AVL9: variants seen among roughly 807,000 people sequenced by gnomAD.
AVL9 encodes the protein AVL9 cell migration associated.
In AVL9, 49 loss-of-function variants were observed where a neutral mutation model predicts 79.2. The ratio of observed to expected loss-of-function variants is 0.62; its 90% CI spans 0.49 to 0.79. AVL9 has a LOEUF of 0.79. Among genes scored for constraint, AVL9 ranks in the 30% least tolerant of loss-of-function variants. The pLI, the probability that AVL9 is intolerant of heterozygous loss-of-function variation, is 0.00. For missense variants in AVL9, 682 were observed against 776.8 expected, an observed-to-expected ratio of 0.88 and a Z score of 1.45; for synonymous variants, 299 against 280.6, an observed-to-expected ratio of 1.07 and a Z score of -0.65.
At chr7:32,558,198 A>T (rs1790168274) in intron 8 of AVL9, among the ~76,000 whole-genome samples, 1 of 144,478 alleles carries the variant, frequency 6.9e-6, no homozygotes, top group South Asian at 2.2e-4. Flanking sequence ...CTCGCTCTCT[A>T]GCCAGGCTGG....
rs567751468 is a variant in AVL9 at position 32,543,065 on chromosome 7, A to G, written c.94-76A>G. On this transcript the variant is annotated intron_variant, in intron 1 of 15. Coordinates refer to ENST00000318709, the MANE Select transcript of AVL9 (RefSeq NM_015060.3). ...CCCGACTTCTGTCATTCAGGGTTTA[A>G]AAGCATTTTTACCTATCAGAATAAA... is the stretch of plus-strand genomic sequence containing the variant. 50 of 1,577,026 alleles carry G rather than the reference A, an allele frequency of 3.2e-5. No homozygotes were observed. The South Asian group carries it at 5.8e-4, about 18-fold the overall frequency.
At chr7:32,562,693 G>T in intron 10 of AVL9, 3 of 828,074 alleles carry the variant, frequency 3.6e-6, no homozygotes, top group Non-Finnish European at 4.4e-6. Flanking sequence ...GCCGAGGTGG[G>T]GAGGATTGCT....
At chr7:32,559,627 A>G (rs1652547078) in intron 10 of AVL9, among the ~76,000 whole-genome samples, 163 bp downstream of exon 10, 1 of 152,224 alleles carries the variant, frequency 6.6e-6, no homozygotes, top group South Asian at 2.1e-4. Flanking sequence ...CCGTGACCAT[A>G]GTATAAGTCT....
At chr7:32,525,695 T>C (rs1309538153) in intron 1 of AVL9, among the ~76,000 whole-genome samples, 1 of 152,214 alleles carries the variant, frequency 6.6e-6, no homozygotes, top group African/African-American at 2.4e-5. Context: ...GGTGCCCTAA[T>C]GGAATAGGTT....
At chr7:32,503,172 T>A (rs1418346365) in intron 1 of AVL9, among the ~76,000 whole-genome samples, 1 of 151,706 alleles carries the variant, frequency 6.6e-6, no homozygotes, top group Non-Finnish European at 1.5e-5. Flanking sequence ...ACTCTGGGTG[T>A]TCATTTAGAT....
At position 32,553,683 on chromosome 7, in the gene AVL9, C is replaced by T. The variant is rs1433396428; in HGVS notation, c.530-44C>T. ...GGAAATAACCTTTCTGCAGCAAAAA[C>T]ATTACATTGTAGTCACACTTGAGCT... is the stretch of plus-strand genomic sequence containing the variant. On this transcript the variant is annotated intron_variant, in intron 6 of 15. Coordinates refer to ENST00000318709, the MANE Select transcript of AVL9 (RefSeq NM_015060.3). The T allele has an allele frequency of 4.7e-6, 7 of 1,476,024 alleles. No individual in the cohort carries two copies. The African/African-American group carries it at 8.4e-5, about 18-fold the overall frequency. 91.4% of individuals were successfully genotyped at this position (1,476,024 alleles called of 1,614,324 possible).
At chr7:32,509,351 T>C (rs772091707) in intron 1 of AVL9, among the ~76,000 whole-genome samples, 1 of 152,156 alleles carries the variant, frequency 6.6e-6, no homozygotes, top group Non-Finnish European at 1.5e-5. Context: ...TGTATCTATA[T>C]AGCAGGGGCC....
intron 10 of AVL9, among the ~76,000 whole-genome samples, chr7:32,566,649 C>T (rs572567253): frequency 4.7e-4 from 71 of 152,048 alleles, no homozygotes; most frequent in Non-Finnish European, 6.6e-4. Context: ...GAGACCGAGG[C>T]GGGCAGATCA....
chr7:32,574,857 C>CTG (rs1446042462), intron 12 of AVL9, among the ~76,000 whole-genome samples: 1 of 152,168 alleles, frequency 6.6e-6, no homozygotes, highest in African/African-American at 2.4e-5. Context: ...CTTCTTTATG[C>CTG]TGTGTATGGA....
At chr7:32,504,011 C>T (rs755221396) in intron 1 of AVL9, among the ~76,000 whole-genome samples, 1 of 152,230 alleles carries the variant, frequency 6.6e-6, no homozygotes, top group African/African-American at 2.4e-5. Context: ...AAACCCACGT[C>T]TGCCCCGTGG....
chr7:32,515,497 A>C (rs1373722278), intron 1 of AVL9, among the ~76,000 whole-genome samples: 1 of 152,218 alleles, frequency 6.6e-6, no homozygotes. Context: ...ACTTGCTTCC[A>C]ACAAGGAAAG....
intron 8 of AVL9, among the ~76,000 whole-genome samples, chr7:32,556,519 A>AAATAAATGAATG (rs111960786): frequency 0.65 from 97,583 of 149,344 alleles, 32,184 homozygotes; most frequent in Middle Eastern, 0.72. Flanking sequence ...ATCTCAAAGT[A>AAATAAATGAATG]AATGAATGAA....
chr7:32,495,699 G>A lies in AVL9; in HGVS notation c.-11G>A. On this transcript the variant is annotated 5_prime_UTR_variant, in exon 1 of 16. Coordinates refer to ENST00000318709, the MANE Select transcript of AVL9 (RefSeq NM_015060.3). ...GGTCGAAGTCGTCGTGCGGGCCCGC[G>A]GCGGCCGCCCATGGAGAAGGCCAGG... 2 of 1,255,508 alleles carry A rather than the reference G, an allele frequency of 1.6e-6. No homozygotes were observed. Among genetic ancestry groups the A allele is most frequent in the Non-Finnish European group, 2.0e-6 (2 of 990,908 alleles). The allele number at this position is 1,255,508 out of a possible 1,614,324, so 77.8% of individuals were successfully genotyped here. A position where few individuals can be genotyped will look rare whatever the true frequency, so the allele number is the denominator to read the frequency against.
chr7:32,504,921 T>A (rs1787337617), intron 1 of AVL9, among the ~76,000 whole-genome samples: 1 of 152,108 alleles, frequency 6.6e-6, no homozygotes, highest in African/African-American at 2.4e-5. Context: ...TCACCCAGGC[T>A]GGAGTGCGGT....
chr7:32,547,330 A>G (rs1789562679), intron 3 of AVL9, among the ~76,000 whole-genome samples: 1 of 152,240 alleles, frequency 6.6e-6, no homozygotes, highest in Non-Finnish European at 1.5e-5. Flanking sequence ...TATGTGCACA[A>G]ATAGGGAAAC....
intron 11 of AVL9, among the ~76,000 whole-genome samples, chr7:32,571,419 T>G (rs530843935): frequency 1.0e-3 from 151 of 151,438 alleles, no homozygotes; most frequent in South Asian, 6.3e-3. Flanking sequence ...TCCCAGCTAC[T>G]TGGGAGGCTG....
intron 2 of AVL9, among the ~76,000 whole-genome samples, chr7:32,544,230 G>A (rs1447805119): frequency 6.6e-6 from 1 of 152,182 alleles, no homozygotes; most frequent in Non-Finnish European, 1.5e-5. Context: ...CTGAGAATGA[G>A]ATCATTCCCC....
rs1303420687 is a variant in AVL9, at chr7:32,583,846, T to C, written c.1886T>C (p.Leu629Pro). Reference sequence around the variant, plus strand: ...GCAAAGACAGCTATGTCTTCATGGCTTTCCACTTTCACCACTTCCACCTCC... The same window carrying C: ...GCAAAGACAGCTATGTCTTCATGGCCTTCCACTTTCACCACTTCCACCTCC... ...SSAKTAMSSWLSTFTTSTSQS... is the reference protein window; with the variant it reads ...SSAKTAMSSWPSTFTTSTSQS... Residue 629 changes from leucine to proline, a missense_variant, in exon 16 of 16, where the codon CTT (leucine) becomes CCT (proline). Leu to Pro is a moderately conservative substitution (Grantham distance 98). Transcript: ENST00000318709. The C allele has an allele frequency of 1.2e-6, 2 of 1,614,164 alleles. No homozygotes were observed. Among genetic ancestry groups the C allele is most frequent in the Admixed American group, 1.7e-5 (1 of 60,012 alleles).
chr7:32,569,382 T>TA (rs1327905765), intron 10 of AVL9, among the ~76,000 whole-genome samples: 1 of 152,246 alleles, frequency 6.6e-6, no homozygotes, highest in Non-Finnish European at 1.5e-5. Flanking sequence ...TTTCTATACT[T>TA]AGATGCCTGC....
Sources: allele counts gnomAD v4.1 joint callset (sites outside exome capture counted in the v4.1 genomes callset), GRCh38; gene constraint gnomAD v4.1.1; transcripts MANE v1.5; gene names NCBI Gene and HGNC (gene_info 2026-07-23, HGNC 2026-07-21).